The following RBPMS variants were observed in gnomAD, a reference collection of about 807,000 sequenced individuals.
The protein encoded by RBPMS is RNA-binding protein with multiple splicing.
In RBPMS, 7 loss-of-function variants were observed where a neutral mutation model predicts 26.8. The ratio of observed to expected loss-of-function variants is 0.26; its 90% CI spans 0.15 to 0.49. The LOEUF (loss-of-function observed/expected upper bound fraction) is 0.49, where lower values mean the gene tolerates loss of function less well. RBPMS is among the 20% of genes least tolerant of loss of function. RBPMS has a pLI of 0.98. For missense variants in RBPMS, 186 were observed against 250.0 expected, an observed-to-expected ratio of 0.74 and a Z score of 1.73; for synonymous variants, 96 against 93.3, an observed-to-expected ratio of 1.03 and a Z score of -0.17.
chr8:30,391,059 T>C (rs1807735812), intron 1 of RBPMS, among the ~76,000 whole-genome samples: 1 of 151,968 alleles, frequency 6.6e-6, no homozygotes, highest in African/African-American at 2.4e-5. Context: ...GAACCTCCAT[T>C]TGCGAGCACA....
intron 1 of RBPMS, among the ~76,000 whole-genome samples, chr8:30,389,961 G>A (rs984102223): frequency 1.3e-5 from 2 of 152,090 alleles, no homozygotes; most frequent in Non-Finnish European, 2.9e-5. Context: ...AGCTTCAGTG[G>A]CTCCAGACAT....
chr8:30,446,838 TGTGTGCGCGCGCGCGC>T lies in RBPMS; in HGVS notation c.67-27939_67-27924del, dbSNP rs1207112303. The stretch of plus-strand genomic sequence containing the variant: ...GTGTGTGTGTGTGTGTGTGTGTGTG[TGTGTGCGCGCGCGCGC>T]GCGCGGTGGAGGGTAGTGGGGTAGA... On this transcript the variant is annotated intron_variant, in intron 1 of 8. Coordinates refer to ENST00000397323, the MANE Select transcript of RBPMS (RefSeq NM_001008710.3). The T allele has an allele frequency of 1.9e-4, 18 of 92,942 alleles. 1 individual carries two copies. The highest frequency in any genetic ancestry group is 6.7e-4 in the African/African-American group (14 of 20,966). The allele number at this position is 92,942 out of a possible 1,614,324, so 5.8% of individuals were successfully genotyped here.
intron 1 of RBPMS, among the ~76,000 whole-genome samples, chr8:30,439,698 C>A (rs973039070): frequency 6.6e-6 from 1 of 152,022 alleles, no homozygotes; most frequent in Non-Finnish European, 1.5e-5. Context: ...CTCTGTCACC[C>A]AGGCTGGAAT....
intron 7 of RBPMS, among the ~76,000 whole-genome samples, chr8:30,559,500 G>A (rs1033744526): frequency 6.6e-6 from 1 of 152,278 alleles, no homozygotes; most frequent in Non-Finnish European, 1.5e-5. Flanking sequence ...ATCCTAAATG[G>A]GCATTTTTGT....
At chr8:30,410,476 G>A (rs943161265) in intron 1 of RBPMS, among the ~76,000 whole-genome samples, 2 of 152,008 alleles carry the variant, frequency 1.3e-5, no homozygotes, top group Non-Finnish European at 1.5e-5. Flanking sequence ...CCAAAGTGCC[G>A]GGACTACAGA....
rs73245338 is a variant in RBPMS, at chr8:30,571,710, G to T, written c.*1185G>T. The T allele has an allele frequency of 0.043, 6,548 of 152,382 alleles. 185 individuals carry two copies. The highest frequency in any genetic ancestry group is 0.062 in the Non-Finnish European group (4,235 of 68,054). The allele number at this position is 152,382 out of a possible 1,614,324, so 9.4% of individuals were successfully genotyped here. ...ACACCCCACAGGAGACGGAGGCAGT[G>T]GGCATTTGGAACCAATTCTATTCAG... On this transcript the variant is annotated 3_prime_UTR_variant, in exon 9 of 9. Transcript: ENST00000397323.
chr8:30,504,464 GTAA>G (rs1263872381), intron 5 of RBPMS, 28 bp downstream of exon 5: 6 of 1,608,312 alleles, frequency 3.7e-6, no homozygotes, highest in South Asian at 2.2e-5. Flanking sequence ...TCATTCAAAA[GTAA>G]TAATAACTAA....
chr8:30,481,438 A>G (rs1818263710), intron 4 of RBPMS, among the ~76,000 whole-genome samples: 1 of 152,160 alleles, frequency 6.6e-6, no homozygotes, highest in African/African-American at 2.4e-5. Flanking sequence ...TAATATAATG[A>G]TAGAGGTGTT....
At chr8:30,513,228 G>C (rs4733496) in intron 5 of RBPMS, among the ~76,000 whole-genome samples, 35,718 of 151,862 alleles carry the variant, frequency 0.24, 4,655 homozygotes, top group East Asian at 0.4. Context: ...TCAGACTGTG[G>C]CATCAGAGCC....
chr8:30,437,752 C>G (rs1023228374), intron 1 of RBPMS, among the ~76,000 whole-genome samples: 1 of 147,810 alleles, frequency 6.8e-6, no homozygotes, highest in African/African-American at 2.5e-5. Context: ...GATCACGCCA[C>G]TGCACTCCAG....
At chr8:30,543,914 C>A (rs1293633741) in intron 5 of RBPMS, among the ~76,000 whole-genome samples, 1 of 152,190 alleles carries the variant, frequency 6.6e-6, no homozygotes, top group Non-Finnish European at 1.5e-5. Context: ...CACTTCAATT[C>A]TCTGAATTTT....
chr8:30,504,940 A>T (rs1253603893), intron 5 of RBPMS, among the ~76,000 whole-genome samples: 2 of 152,188 alleles, frequency 1.3e-5, no homozygotes, highest in Non-Finnish European at 2.9e-5. Flanking sequence ...TATATATTGG[A>T]ACTGTCAGTC....
chr8:30,499,234 C>T (rs1334724912), intron 4 of RBPMS, among the ~76,000 whole-genome samples: 3 of 152,102 alleles, frequency 2.0e-5, no homozygotes, highest in Non-Finnish European at 4.4e-5. Flanking sequence ...CATGCCGCTG[C>T]ACTGTAGCCT....
chr8:30,565,518 C>T (rs1281330304), intron 7 of RBPMS: 2 of 152,288 alleles, frequency 1.3e-5, no homozygotes, highest in Non-Finnish European at 2.9e-5. Context: ...GCTTCCTTCC[C>T]TGGCACTGGA....
At chr8:30,416,505 T>C (rs1810091055) in intron 1 of RBPMS, among the ~76,000 whole-genome samples, 1 of 151,528 alleles carries the variant, frequency 6.6e-6, no homozygotes, top group Non-Finnish European at 1.5e-5. Flanking sequence ...CTTTTTGAGA[T>C]GGAGTCTCGC....
intron 1 of RBPMS, among the ~76,000 whole-genome samples, chr8:30,386,037 A>G (rs1325229753): frequency 1.3e-5 from 2 of 152,208 alleles, no homozygotes; most frequent in African/African-American, 4.8e-5. Flanking sequence ...AGTCCAAGAA[A>G]TTATTTCTGG....
intron 1 of RBPMS, among the ~76,000 whole-genome samples, chr8:30,450,969 C>A (rs943179669): frequency 4.0e-5 from 6 of 151,320 alleles, no homozygotes; most frequent in African/African-American, 1.2e-4. Context: ...TAAAAAATAT[C>A]AAAAAATATG....
chr8:30,525,554 A>G (rs1823490961), intron 5 of RBPMS, among the ~76,000 whole-genome samples: 1 of 152,244 alleles, frequency 6.6e-6, no homozygotes, highest in South Asian at 2.1e-4. Flanking sequence ...GAAGCCATAA[A>G]ACAAACCATC....
At chr8:30,411,462 C>T (rs1012734745) in intron 1 of RBPMS, among the ~76,000 whole-genome samples, 1 of 150,990 alleles carries the variant, frequency 6.6e-6, no homozygotes, top group African/African-American at 2.4e-5. Flanking sequence ...CTCAGGAGTT[C>T]GAGACCAGCA....
Sources: gnomAD v4.1 joint callset for allele counts (sites outside exome capture counted in the v4.1 genomes callset) on GRCh38, gnomAD v4.1.1 for gene constraint, MANE v1.5 for transcripts, NCBI Gene and HGNC (gene_info 2026-07-23, HGNC 2026-07-21) for gene names.